The following SASH1 variants were observed in gnomAD, a reference collection of about 807,000 sequenced individuals.
SASH1 encodes the protein SAM and SH3 domain containing 1.
A neutral mutation model predicts 125.2 loss-of-function variants in SASH1; 44 were observed. That is an observed-to-expected ratio of 0.35 (90% confidence interval 0.28 to 0.45). SASH1 has a LOEUF of 0.45. Ranked by LOEUF, SASH1 falls within the 20% of genes least tolerant of loss-of-function variation. The pLI is 1.00. For missense variants in SASH1, 1,426 were observed against 1,614.5 expected, an observed-to-expected ratio of 0.88 and a Z score of 2.00; for synonymous variants, 639 against 649.1, an observed-to-expected ratio of 0.98 and a Z score of 0.24.
At chr6:148,457,428 C>T (rs977322640) in intron 4 of SASH1, among the ~76,000 whole-genome samples, 8 of 152,102 alleles carry the variant, frequency 5.3e-5, no homozygotes, top group African/African-American at 1.9e-4. Context: ...GTGGGAAAAA[C>T]ATTGGTTTGG....
At chr6:148,209,971 A>G in the SASH1 span, among the ~76,000 whole-genome samples, 1 of 152,244 alleles carries the variant, frequency 6.6e-6, no homozygotes, top group Admixed American at 6.5e-5. Context: ...GAGATAGCAA[A>G]ATTAAACATC....
At chr6:148,344,990 G>GTGA (rs1357644265) in intron 1 of SASH1, among the ~76,000 whole-genome samples, 10 of 152,132 alleles carry the variant, frequency 6.6e-5, no homozygotes, top group Admixed American at 3.3e-4. Flanking sequence ...TCCTGACCTT[G>GTGA]TGATCTGCCC....
At chr6:148,471,643 T>C in intron 6 of SASH1, 140 bp downstream of exon 6, 2 of 617,646 alleles carry the variant, frequency 3.2e-6, no homozygotes, top group Non-Finnish European at 5.8e-6. Flanking sequence ...TTCTGACATT[T>C]CTGTTATTAC....
intron 8 of SASH1, chr6:148,512,487 C>T: frequency 1.0e-6 from 1 of 985,316 alleles, no homozygotes; most frequent in Non-Finnish European, 1.2e-6. Context: ...GCTTGTTACC[C>T]AGAATGAGGG....
At chr6:148,538,324 A>G (rs1375694107) in intron 16 of SASH1, among the ~76,000 whole-genome samples, 6 of 152,014 alleles carry the variant, frequency 3.9e-5, no homozygotes, top group African/African-American at 1.4e-4. Flanking sequence ...GGTGCACTGA[A>G]CCATGTCACC....
intron 6 of SASH1, among the ~76,000 whole-genome samples, chr6:148,473,220 A>G (rs1391208029): frequency 6.6e-6 from 1 of 152,104 alleles, no homozygotes; most frequent in East Asian, 1.9e-4. Context: ...AACATGCTTC[A>G]TGTCTGTGAT....
intron 1 of SASH1, among the ~76,000 whole-genome samples, chr6:148,288,304 T>C (rs1779539890): frequency 6.6e-6 from 1 of 152,084 alleles, no homozygotes; most frequent in Non-Finnish European, 1.5e-5. Context: ...CTCATTACCG[T>C]CTCCTACAGT....
chr6:148,437,977 A>G (rs957697728), intron 2 of SASH1, among the ~76,000 whole-genome samples: 2 of 152,222 alleles, frequency 1.3e-5, no homozygotes, highest in Non-Finnish European at 2.9e-5. Flanking sequence ...CAGATAAATA[A>G]AAGAAGATCG....
At chr6:148,336,378 A>G (rs1281007324) in intron 1 of SASH1, among the ~76,000 whole-genome samples, 2 of 151,766 alleles carry the variant, frequency 1.3e-5, no homozygotes, top group African/African-American at 2.4e-5. Flanking sequence ...GGGTTTTACC[A>G]TGTTGGCCAG....
At chr6:148,508,802 C>A in intron 8 of SASH1, 1 of 1,256,880 alleles carries the variant, frequency 8.0e-7, no homozygotes, top group Non-Finnish European at 1.0e-6. Context: ...TGAAGACGCT[C>A]TCCGAGTGGG....
At chr6:148,434,922 T>C (rs1378361983) in intron 2 of SASH1, among the ~76,000 whole-genome samples, 1 of 152,152 alleles carries the variant, frequency 6.6e-6, no homozygotes, top group Admixed American at 6.6e-5. Context: ...TTAAAGGATG[T>C]AGCCAGGTGC....
At chr6:148,472,181 TAA>T (rs1463639072) in intron 6 of SASH1, among the ~76,000 whole-genome samples, 2 of 152,174 alleles carry the variant, frequency 1.3e-5, no homozygotes, top group Non-Finnish European at 2.9e-5. Flanking sequence ...ATCAGTAGAT[TAA>T]AAAGTTTTCC....
At chr6:148,265,352 G>GGAGT in the SASH1 span, among the ~76,000 whole-genome samples, 2 of 150,710 alleles carry the variant, frequency 1.3e-5, no homozygotes, top group Non-Finnish European at 3.0e-5. Context: ...AAGGAGGGAG[G>GGAGT]GAAGGAGGGA....
chr6:148,387,117 CTTTT>C (rs34236225), intron 1 of SASH1, among the ~76,000 whole-genome samples: 1 of 108,992 alleles, frequency 9.2e-6, no homozygotes, highest in Non-Finnish European at 1.8e-5. Flanking sequence ...TCTTTCTTTT[CTTTT>C]TTTTTTTTTT....
chr6:148,227,485 G>A, the SASH1 span, among the ~76,000 whole-genome samples: 2 of 152,102 alleles, frequency 1.3e-5, no homozygotes, highest in African/African-American at 2.4e-5. Context: ...AGCCTCCCAG[G>A]TAGCTGAGAT....
intron 2 of SASH1, among the ~76,000 whole-genome samples, chr6:148,421,191 AAG>A (rs1354970060): frequency 2.7e-5 from 4 of 146,758 alleles, no homozygotes; most frequent in South Asian, 2.2e-4. Context: ...GAAAGAAAGA[AAG>A]AAAGAAAGAA....
chr6:148,347,738 A>G (rs1781567604), intron 1 of SASH1, among the ~76,000 whole-genome samples: 1 of 141,668 alleles, frequency 7.1e-6, no homozygotes. Context: ...TTCTGACTTC[A>G]CCTTAATTTT....
intron 1 of SASH1, among the ~76,000 whole-genome samples, chr6:148,304,112 G>T (rs550963437): frequency 9.8e-4 from 149 of 152,072 alleles, no homozygotes; most frequent in Non-Finnish European, 2.1e-4. Flanking sequence ...AGACCAGCCT[G>T]GCCAAGATGG....
At position 148,533,233 on chromosome 6, in the gene SASH1, A is replaced by C. The variant is rs544739986; in HGVS notation, c.1734+267A>C. Among the ~76,000 whole-genome samples the C allele has an allele frequency of 6.6e-6, 1 of 151,580 alleles. No individual in the cohort carries two copies. The highest frequency in any genetic ancestry group is 1.9e-4 in the East Asian group (1 of 5,144). The stretch of plus-strand genomic sequence containing the variant: ...CTTCCCTCTAGAATTCCTGTTGCAC[A>C]CCCTCCCTCTCCCCACCTGGCTCCT... On this transcript the variant is annotated intron_variant, in intron 14 of 19. Transcript: ENST00000367467. This position sits in a 1 kb window ranked among gnomAD's most constrained non-coding sequence, Gnocchi z 6.2.
Sources: gnomAD v4.1 joint callset for allele counts (sites outside exome capture counted in the v4.1 genomes callset) on GRCh38, gnomAD v4.1.1 for gene constraint, Gnocchi (gnomAD v3.1) non-coding constraint, MANE v1.5 for transcripts, NCBI Gene and HGNC (gene_info 2026-07-23, HGNC 2026-07-21) for gene names.